FBLN2: variants seen among roughly 807,000 people sequenced by gnomAD.
FBLN2 encodes fibulin 2.
In FBLN2, 81 loss-of-function variants were observed where a neutral mutation model predicts 123.7. The ratio of observed to expected loss-of-function variants is 0.65; its 90% CI spans 0.55 to 0.79. The LOEUF (loss-of-function observed/expected upper bound fraction) is 0.79. Ranked by LOEUF, FBLN2 falls within the 30% of genes least tolerant of loss-of-function variation. The pLI is 0.00. For missense variants in FBLN2, 1,603 were observed against 1,681.3 expected, an observed-to-expected ratio of 0.95 and a Z score of 0.81; for synonymous variants, 699 against 701.4, an observed-to-expected ratio of 1.00 and a Z score of 0.05.
chr3:13,573,815 A>G (rs1379916626), intron 2 of FBLN2, among the ~76,000 whole-genome samples: 1 of 151,164 alleles, frequency 6.6e-6, no homozygotes, highest in African/African-American at 2.4e-5. Context: ...AGGCAGGAGA[A>G]TCACCACCTG....
intron 1 of FBLN2, among the ~76,000 whole-genome samples, chr3:13,567,695 C>T (rs995771960): frequency 3.4e-5 from 5 of 148,584 alleles, no homozygotes; most frequent in Non-Finnish European, 5.9e-5. Context: ...TCAGCTGGCA[C>T]GGTGGCTCAT....
chr3:13,609,517 GC>G lies in FBLN2; in HGVS notation c.1426del (p.Gln476ArgfsTer85), dbSNP rs1705317992. The G allele has an allele frequency of 4.5e-6, 7 of 1,549,326 alleles. No individual in the cohort carries two copies. Among genetic ancestry groups the G allele is most frequent in the Non-Finnish European group, 6.1e-6 (7 of 1,146,234 alleles). On this transcript the variant is annotated frameshift_variant, in exon 4 of 18. Transcript: ENST00000404922. LOFTEE classifies it high-confidence loss of function. ...SGTEDNVCRT[A>X]QRHCCVSYLQ... ...AAGTTACCCCCTCTGTTTCAGGACA[GC>G]CCAGAGGCACTGCTGTGTCTCCTAC... is the stretch of plus-strand genomic sequence containing the variant.
intron 2 of FBLN2, among the ~76,000 whole-genome samples, chr3:13,586,386 T>C (rs948721897): frequency 1.3e-5 from 2 of 151,890 alleles, no homozygotes; most frequent in Admixed American, 1.3e-4. Context: ...GGTTACACCA[T>C]GTTGGTCAGG....
At chr3:13,576,068 G>A (rs1053646986) in intron 2 of FBLN2, among the ~76,000 whole-genome samples, 1 of 152,264 alleles carries the variant, frequency 6.6e-6, no homozygotes, top group Non-Finnish European at 1.5e-5. Context: ...GTTGGCAGGG[G>A]TGGCAGCCGG....
At chr3:13,602,550 G>C (rs1042429555) in intron 2 of FBLN2, among the ~76,000 whole-genome samples, 2 of 152,036 alleles carry the variant, frequency 1.3e-5, no homozygotes, top group Non-Finnish European at 2.9e-5. Context: ...TTAGATACAT[G>C]GTATGTATTT....
At chr3:13,615,075 G>C (rs1705553128) in intron 5 of FBLN2, among the ~76,000 whole-genome samples, 1 of 152,126 alleles carries the variant, frequency 6.6e-6, no homozygotes, top group African/African-American at 2.4e-5. Context: ...CCCTTCTTGT[G>C]CTGTAGCCAC....
intron 2 of FBLN2, among the ~76,000 whole-genome samples, chr3:13,581,222 T>TGGGGGGAGGGGGGGGGGG (rs1704314675): frequency 2.4e-5 from 1 of 42,344 alleles, no homozygotes; most frequent in Non-Finnish European, 5.3e-5. Context: ...AGGTGGGGGG[T>TGGGGGGAGGGGGGGGGGG]GGGGGGGAGG....
chr3:13,574,662 G>T (rs1704076459), intron 2 of FBLN2, among the ~76,000 whole-genome samples: 1 of 152,074 alleles, frequency 6.6e-6, no homozygotes, highest in Admixed American at 6.6e-5. Context: ...GCGGCTGGAG[G>T]GGTCACTTCT....
intron 2 of FBLN2, among the ~76,000 whole-genome samples, chr3:13,577,973 G>A (rs1226982705): frequency 6.6e-6 from 1 of 152,182 alleles, no homozygotes; most frequent in East Asian, 1.9e-4. Flanking sequence ...GTCTCCCAGT[G>A]GAGGAGGAGG....
chr3:13,574,326 C>T (rs1356115959), intron 2 of FBLN2, among the ~76,000 whole-genome samples: 1 of 152,222 alleles, frequency 6.6e-6, no homozygotes, highest in African/African-American at 2.4e-5. Context: ...CCCCCAGCTG[C>T]TCTGGGAACC....
At chr3:13,630,054 C>A (rs974230441) in intron 14 of FBLN2, 109 bp downstream of exon 14, 6 of 1,460,428 alleles carry the variant, frequency 4.1e-6, no homozygotes, top group Non-Finnish European at 5.6e-6. Flanking sequence ...CACCTTCACC[C>A]TCACACCTTC....
At chr3:13,607,927 T>C in intron 2 of FBLN2, 135 bp from the exon 3 acceptor site, 1 of 653,806 alleles carries the variant, frequency 1.5e-6, no homozygotes, top group South Asian at 1.8e-5. Context: ...TTGTGAGCTG[T>C]TAGCGACCAG....
intron 2 of FBLN2, among the ~76,000 whole-genome samples, chr3:13,596,328 G>A (rs1704840289): frequency 6.6e-6 from 1 of 152,116 alleles, no homozygotes; most frequent in Admixed American, 6.5e-5. Context: ...GTTGGGAGAT[G>A]GAGGCTCACT....
intron 1 of FBLN2, among the ~76,000 whole-genome samples, chr3:13,551,521 G>C (rs1296774178): frequency 6.6e-6 from 1 of 152,214 alleles, no homozygotes; most frequent in Non-Finnish European, 1.5e-5. Flanking sequence ...GCAGGCAAGG[G>C]GGAGAGCTGG....
intron 1 of FBLN2, among the ~76,000 whole-genome samples, chr3:13,563,067 T>C (rs964098311): frequency 1.3e-5 from 2 of 152,244 alleles, no homozygotes; most frequent in African/African-American, 4.8e-5. Flanking sequence ...GAGTCTATCA[T>C]GAATAACACT....
At chr3:13,620,726 A>G (rs180764902) in intron 8 of FBLN2, among the ~76,000 whole-genome samples, 115 of 152,344 alleles carry the variant, frequency 7.5e-4, no homozygotes, top group African/African-American at 2.5e-3. Flanking sequence ...GTTCTGGCTC[A>G]GAGATGAGAC....
In FBLN2 at chr3:13,570,970, G is replaced by C. The variant is rs1029337757; in HGVS notation, c.615G>C (p.Glu205Asp). 1.9e-6 allele frequency: 3 copies of C among 1,611,146 alleles called. No homozygotes were observed. The highest frequency in any genetic ancestry group is 2.2e-5 in the South Asian group (2 of 90,540). ...DPYSYDQEVA[E>D]VEAATALGGE... Reference sequence around the variant, plus strand: ...ACAGCTATGACCAGGAGGTGGCCGAGGTGGAAGCAGCAACAGCCCTGGGGG... The same window carrying C: ...ACAGCTATGACCAGGAGGTGGCCGACGTGGAAGCAGCAACAGCCCTGGGGG... The change falls in exon 2 of 18, where the codon GAG becomes GAC. Residue 205 changes from glutamate (E) to aspartate (D), a missense_variant. Coordinates refer to ENST00000404922, the MANE Select transcript of FBLN2 (RefSeq NM_001004019.2).
At chr3:13,600,325 C>T (rs1704989454) in intron 2 of FBLN2, among the ~76,000 whole-genome samples, 1 of 151,928 alleles carries the variant, frequency 6.6e-6, no homozygotes, top group Non-Finnish European at 1.5e-5. Flanking sequence ...ACTGGGTGGC[C>T]CTCCCAGCAT....
At chr3:13,575,379 A>G (rs1574954049) in intron 2 of FBLN2, among the ~76,000 whole-genome samples, 1 of 152,090 alleles carries the variant, frequency 6.6e-6, no homozygotes, top group East Asian at 1.9e-4. Context: ...CTTTGAATTC[A>G]TCCTCTACCC....
Sources: allele counts gnomAD v4.1 joint callset (sites outside exome capture counted in the v4.1 genomes callset), GRCh38; gene constraint gnomAD v4.1.1; transcripts MANE v1.5; gene names NCBI Gene and HGNC (gene_info 2026-07-23, HGNC 2026-07-21).